Variants in SGCZ observed in about 807,000 individuals in gnomAD.
SGCZ encodes sarcoglycan zeta.
In SGCZ, 40 loss-of-function variants were observed where a neutral mutation model predicts 41.3. That is an observed-to-expected ratio of 0.97 (90% CI 0.75 to 1.26). The LOEUF (loss-of-function observed/expected upper bound fraction) is 1.26, where lower values mean the gene tolerates loss of function less well. SGCZ is among the 50% of genes most tolerant of loss of function. The probability of loss-of-function intolerance (pLI) is 0.00; values close to 1 mark genes in which losing one functional copy is unlikely to be tolerated. For missense variants in SGCZ, 552 were observed against 369.8 expected (o/e 1.49, Z -4.04); for synonymous variants, 206 against 137.5 (o/e 1.50, Z -3.49).
intron 1 of SGCZ, among the ~76,000 whole-genome samples, chr8:14,926,997 A>G (rs1563368571): frequency 1.3e-5 from 2 of 151,934 alleles, no homozygotes; most frequent in South Asian, 4.2e-4. Flanking sequence ...TTTCCAGAAT[A>G]TCACATTCCT....
intron 2 of SGCZ, among the ~76,000 whole-genome samples, chr8:14,516,120 T>TC (rs1802612918): frequency 1.3e-5 from 2 of 151,892 alleles, no homozygotes; most frequent in Admixed American, 6.6e-5. Flanking sequence ...TCTTTTTTTT[T>TC]CTATGTCTGT....
intron 2 of SGCZ, among the ~76,000 whole-genome samples, chr8:14,443,239 G>A (rs975600958): frequency 6.6e-6 from 1 of 152,022 alleles, no homozygotes; most frequent in Non-Finnish European, 1.5e-5. Context: ...TACTGCCCAA[G>A]GTAATTTATA....
chr8:14,147,433 A>G (rs527371648), intron 5 of SGCZ, among the ~76,000 whole-genome samples: 2 of 152,306 alleles, frequency 1.3e-5, no homozygotes, highest in African/African-American at 4.8e-5. Context: ...ATCAGACAAA[A>G]TAGATTTCAA....
At chr8:14,472,625 A>C (rs897042318) in intron 2 of SGCZ, among the ~76,000 whole-genome samples, 7 of 152,098 alleles carry the variant, frequency 4.6e-5, no homozygotes, top group Admixed American at 1.3e-4. Flanking sequence ...ATGTTTTCCC[A>C]TATTGCAAGG....
In SGCZ at chr8:15,096,746, T is replaced by A. The variant is rs542554728; in HGVS notation, c.39+140839A>T. ...CTGTCTCCAGGCTGGAGTGCAGTGG[T>A]GCAATCTCGGCTCACTGTAACCTCC... On this transcript the variant is annotated intron_variant, in intron 1 of 7. Transcript: ENST00000382080. Among the ~76,000 whole-genome samples the A allele has an allele frequency of 2.6e-5, 4 of 152,178 alleles. No homozygotes were observed. In the South Asian group the frequency reaches 8.3e-4, roughly 32 times the overall value.
intron 1 of SGCZ, among the ~76,000 whole-genome samples, chr8:14,771,575 G>T (rs1012679147): frequency 6.6e-6 from 1 of 151,856 alleles, no homozygotes; most frequent in Non-Finnish European, 1.5e-5. Flanking sequence ...CAATTGATTT[G>T]CTATTGGTAT....
At chr8:14,784,275 C>T (rs946475377) in intron 1 of SGCZ, among the ~76,000 whole-genome samples, 2 of 151,866 alleles carry the variant, frequency 1.3e-5, no homozygotes, top group Non-Finnish European at 2.9e-5. Context: ...TGGTCTTGAA[C>T]TCCTGGGTTT....
At chr8:15,155,549 C>A (rs781003674) in intron 1 of SGCZ, among the ~76,000 whole-genome samples, 1 of 152,054 alleles carries the variant, frequency 6.6e-6, no homozygotes, top group Non-Finnish European at 1.5e-5. Flanking sequence ...GCAATGTATA[C>A]GAAACCAGCC....
intron 1 of SGCZ, among the ~76,000 whole-genome samples, chr8:14,911,000 C>G (rs939841021): frequency 6.6e-6 from 1 of 151,970 alleles, no homozygotes; most frequent in Admixed American, 6.6e-5. Flanking sequence ...CATTTTTTCA[C>G]GAATAATACA....
intron 1 of SGCZ, among the ~76,000 whole-genome samples, chr8:14,850,579 A>G (rs1199264232): frequency 6.6e-6 from 1 of 152,220 alleles, no homozygotes. Context: ...GCTACTTCAT[A>G]GAATAGGAAC....
At chr8:14,872,431 T>C (rs1414222718) in intron 1 of SGCZ, among the ~76,000 whole-genome samples, 1 of 152,166 alleles carries the variant, frequency 6.6e-6, no homozygotes, top group Admixed American at 6.6e-5. Flanking sequence ...AAGTGGTTAC[T>C]ATTAATATCT....
At chr8:14,389,570 C>G (rs574768914) in intron 2 of SGCZ, among the ~76,000 whole-genome samples, 3 of 151,102 alleles carry the variant, frequency 2.0e-5, no homozygotes, top group Admixed American at 1.3e-4. Context: ...AAACCTGAAA[C>G]TCTAATCAGG....
intron 1 of SGCZ, among the ~76,000 whole-genome samples, chr8:15,089,530 G>A (rs1174181630): frequency 1.3e-5 from 2 of 151,910 alleles, no homozygotes; most frequent in Admixed American, 1.3e-4. Context: ...TCAAAAACCT[G>A]GATGGAAAAT....
At chr8:14,126,729 C>T (rs112132493) in intron 5 of SGCZ, among the ~76,000 whole-genome samples, 14 of 152,116 alleles carry the variant, frequency 9.2e-5, no homozygotes, top group Admixed American at 6.5e-5. Flanking sequence ...GACATGGAAC[C>T]AACCCAAATG....
chr8:14,115,527 G>T (rs533299745), intron 5 of SGCZ, among the ~76,000 whole-genome samples: 2 of 151,996 alleles, frequency 1.3e-5, no homozygotes, highest in African/African-American at 4.8e-5. Context: ...TTTACATAAA[G>T]TCTAGATAAG....
chr8:14,864,277 G>A (rs1249483282), intron 1 of SGCZ, among the ~76,000 whole-genome samples: 1 of 151,806 alleles, frequency 6.6e-6, no homozygotes, highest in African/African-American at 2.4e-5. Flanking sequence ...GTGTTCATTT[G>A]TATAAACAAA....
At chr8:14,699,288 G>A (rs901764380) in intron 1 of SGCZ, among the ~76,000 whole-genome samples, 2 of 150,366 alleles carry the variant, frequency 1.3e-5, no homozygotes, top group Non-Finnish European at 3.0e-5. Context: ...CAATGGAATA[G>A]GTCAGAGAAC....
intron 1 of SGCZ, among the ~76,000 whole-genome samples, chr8:14,638,205 T>A (rs1223900577): frequency 6.6e-6 from 1 of 151,858 alleles, no homozygotes; most frequent in Non-Finnish European, 1.5e-5. Context: ...CCCAACTTTT[T>A]TCAGTTTGTC....
intron 5 of SGCZ, among the ~76,000 whole-genome samples, chr8:14,131,545 G>A (rs1244898197): frequency 2.6e-5 from 4 of 152,016 alleles, no homozygotes; most frequent in Admixed American, 2.6e-4. Flanking sequence ...CTTCTCTCTT[G>A]CTGCTTTATA....
Sources: gnomAD v4.1 joint callset for allele counts (sites outside exome capture counted in the v4.1 genomes callset) on GRCh38, gnomAD v4.1.1 for gene constraint, MANE v1.5 for transcripts, NCBI Gene and HGNC (gene_info 2026-07-23, HGNC 2026-07-21) for gene names.